The following VPS53 variants were observed in gnomAD, a reference collection of about 807,000 sequenced individuals.
VPS53 encodes vacuolar protein sorting-associated protein 53 homolog.
In VPS53, 70 loss-of-function variants were observed where a neutral mutation model predicts 107.0. The observed-to-expected ratio is 0.65, with a 90% CI of 0.54 to 0.80. The LOEUF is 0.80. Among genes scored for constraint, VPS53 ranks in the 30% least tolerant of loss-of-function variants. The probability of loss-of-function intolerance (pLI) is 0.00; values close to 1 mark genes in which losing one functional copy is unlikely to be tolerated. For missense variants in VPS53, 917 were observed against 1,049.4 expected (o/e 0.87, Z 1.74); for synonymous variants, 409 against 393.3 (o/e 1.04, Z -0.47).
intron 2 of VPS53, among the ~76,000 whole-genome samples, chr17:700,090 T>C (rs1864454718): frequency 1.3e-5 from 2 of 152,228 alleles, no homozygotes; most frequent in South Asian, 4.1e-4. Context: ...TATTATGTTA[T>C]ACTTCAATAA....
chr17:605,537 G>A (rs1254877508), intron 11 of VPS53, among the ~76,000 whole-genome samples: 2 of 144,710 alleles, frequency 1.4e-5, no homozygotes, highest in African/African-American at 5.1e-5. Flanking sequence ...GGAAGATGGG[G>A]GCCTGGGGTA....
intron 12 of VPS53, among the ~76,000 whole-genome samples, chr17:598,869 T>C (rs1968150466): frequency 4.4e-5 from 1 of 22,668 alleles, no homozygotes; most frequent in African/African-American, 1.6e-4. Flanking sequence ...GGGAGGGAGG[T>C]GGGGGGGTCA....
intron 19 of VPS53, chr17:522,780 T>C (rs535962568): frequency 4.8e-4 from 73 of 152,346 alleles, no homozygotes; most frequent in African/African-American, 1.7e-3. Context: ...AGGACACCCA[T>C]AGTCCTAAAG....
intron 4 of VPS53, among the ~76,000 whole-genome samples, chr17:685,708 A>G (rs1972561461): frequency 6.6e-6 from 1 of 152,158 alleles, no homozygotes; most frequent in Admixed American, 6.6e-5. Context: ...TATGATTGAG[A>G]AAAATCTGGA....
At chr17:595,718 G>A (rs1277228883) in intron 12 of VPS53, among the ~76,000 whole-genome samples, 11 of 134,520 alleles carry the variant, frequency 8.2e-5, no homozygotes, top group Non-Finnish European at 1.4e-4. Context: ...AAGGGGTCTG[G>A]ATCAATTTCC....
intron 4 of VPS53, among the ~76,000 whole-genome samples, chr17:664,953 CAGGT>C (rs1597459598): frequency 6.6e-6 from 1 of 152,102 alleles, no homozygotes; most frequent in African/African-American, 2.4e-5. Flanking sequence ...GCTTGACAGG[CAGGT>C]GTGTGTGGTG....
At chr17:700,238 G>T (rs1222041790) in intron 2 of VPS53, among the ~76,000 whole-genome samples, 3 of 152,178 alleles carry the variant, frequency 2.0e-5, no homozygotes, top group Admixed American at 6.5e-5. Flanking sequence ...ATGAAAAGAA[G>T]TGATTTCAAA....
rs546651164 is a variant in VPS53 at position 575,700 on chromosome 17, T to G, written c.1313+10570A>C. Reference sequence around the variant, plus strand: ...GAACCTCCCTCAGAACCTCAATGCGTTCCCAGAGAACCTCCCCCAGAATCT... The same window carrying G: ...GAACCTCCCTCAGAACCTCAATGCGGTCCCAGAGAACCTCCCCCAGAATCT... On this transcript the variant is annotated intron_variant, in intron 13 of 21. Coordinates refer to ENST00000437048, the MANE Select transcript of VPS53 (RefSeq NM_001128159.3). Among the ~76,000 whole-genome samples, 377 of 151,520 alleles carry G rather than the reference T, an allele frequency of 2.5e-3. 1 individual carries two copies. The highest frequency in any genetic ancestry group is 8.9e-3 in the African/African-American group (365 of 41,200).
intron 7 of VPS53, among the ~76,000 whole-genome samples, chr17:653,070 C>T (rs760469871): frequency 6.6e-6 from 1 of 152,144 alleles, no homozygotes; most frequent in African/African-American, 2.4e-5. Context: ...GCCGGATCTG[C>T]GGAATCCCCA....
chr17:529,720 T>C (rs1438529759), intron 19 of VPS53, among the ~76,000 whole-genome samples: 1 of 152,180 alleles, frequency 6.6e-6, no homozygotes, highest in Non-Finnish European at 1.5e-5. Flanking sequence ...TACTCCTAGG[T>C]ATTTAATGTT....
At chr17:550,351 C>G (rs912866763) in intron 17 of VPS53, among the ~76,000 whole-genome samples, 1 of 152,178 alleles carries the variant, frequency 6.6e-6, no homozygotes, top group Non-Finnish European at 1.5e-5. Context: ...GCCTATGACT[C>G]TAGAGCAGAC....
intron 11 of VPS53, among the ~76,000 whole-genome samples, chr17:608,882 G>A (rs995133115): frequency 6.6e-6 from 1 of 151,454 alleles, no homozygotes; most frequent in Non-Finnish European, 1.5e-5. Context: ...CAAAGCGCTG[G>A]GATTTTAGGC....
intron 12 of VPS53, among the ~76,000 whole-genome samples, chr17:597,508 C>T (rs2143005804): frequency 6.6e-6 from 1 of 152,206 alleles, no homozygotes; most frequent in South Asian, 2.1e-4. Flanking sequence ...TCAGTAATAG[C>T]CCATGAAATG....
At chr17:566,755 T>G (rs1913557827) in intron 13 of VPS53, among the ~76,000 whole-genome samples, 1 of 152,090 alleles carries the variant, frequency 6.6e-6, no homozygotes, top group African/African-American at 2.4e-5. Flanking sequence ...GTTTTTTGCT[T>G]TTTTTGGAGA....
chr17:595,015 T>C (rs1297977405), intron 12 of VPS53, among the ~76,000 whole-genome samples: 5 of 50,782 alleles, frequency 9.8e-5, no homozygotes, highest in Admixed American at 7.6e-4. Flanking sequence ...AATTTCCTGG[T>C]TTGATGATGC....
At chr17:618,407 C>G (rs1385112470) in intron 11 of VPS53, among the ~76,000 whole-genome samples, 1 of 126,024 alleles carries the variant, frequency 7.9e-6, no homozygotes, top group Non-Finnish European at 1.7e-5. Flanking sequence ...TGCACCACCA[C>G]GCCCCACTAA....
Position 702,249 on chromosome 17 carries a change from T to C in VPS53, c.169-2869A>G, listed in dbSNP as rs1258709746. 2.0e-5 allele frequency among the ~76,000 whole-genome samples: 3 copies of C among 152,024 alleles called. No homozygotes were observed. In the East Asian group the frequency reaches 5.8e-4, roughly 29 times the overall value. Reference sequence around the variant, plus strand: ...CACGCCTGTAGTACAATCTGCTTATTAGGCTGAGGAAAGAAGACTGATTGA... The same window carrying C: ...CACGCCTGTAGTACAATCTGCTTATCAGGCTGAGGAAAGAAGACTGATTGA... On this transcript the variant is annotated intron_variant, in intron 2 of 21. Coordinates refer to ENST00000437048, the MANE Select transcript of VPS53 (RefSeq NM_001128159.3).
At position 699,381 on chromosome 17, in the gene VPS53, C is replaced by CTA; in HGVS notation, c.169-3_169-2dup. 6.4e-7 allele frequency: 1 copy of CTA among 1,561,438 alleles called. No individual in the cohort carries two copies. The highest frequency in any genetic ancestry group is 8.6e-7 in the Non-Finnish European group (1 of 1,158,884). On this transcript the variant is annotated splice_acceptor_variant, in intron 2 of 21. Transcript: ENST00000437048. LOFTEE classifies it high-confidence loss of function. ...CGACTTCGTCTATGTTCGCCAGAGACTACAATAAAGAAGGAAGAGTGCCCA... is the reference window on the plus strand; with the variant it reads ...CGACTTCGTCTATGTTCGCCAGAGACTATACAATAAAGAAGGAAGAGTGCCCA...
At chr17:565,510 T>C (rs1302615982) in intron 13 of VPS53, among the ~76,000 whole-genome samples, 3 of 151,908 alleles carry the variant, frequency 2.0e-5, no homozygotes, top group South Asian at 2.1e-4. Flanking sequence ...TAAGTCTCTG[T>C]CTGTGGTGAT....
Sources: allele counts gnomAD v4.1 joint callset (sites outside exome capture counted in the v4.1 genomes callset), GRCh38; gene constraint gnomAD v4.1.1; transcripts MANE v1.5; gene names NCBI Gene and HGNC (gene_info 2026-07-23, HGNC 2026-07-21).